Variants in EXT2 observed in about 807,000 individuals in gnomAD.
The protein encoded by EXT2 is exostosin-2.
EXT2 carries 53 observed loss-of-function variants against 81.6 expected under a neutral mutation model. The observed-to-expected ratio is 0.65, with a 90% CI of 0.52 to 0.82. The LOEUF is 0.82. Ranked by LOEUF, EXT2 falls within the 40% of genes least tolerant of loss-of-function variation. The probability of loss-of-function intolerance (pLI) is 0.00; values close to 1 mark genes in which losing one functional copy is unlikely to be tolerated. For missense variants in EXT2, 774 were observed against 910.2 expected (o/e 0.85, Z 1.93); for synonymous variants, 320 against 340.0 (o/e 0.94, Z 0.65).
chr11:44,229,678 T>C (rs1404265188), intron 10 of EXT2, among the ~76,000 whole-genome samples: 1 of 152,220 alleles, frequency 6.6e-6, no homozygotes, highest in Non-Finnish European at 1.5e-5. Context: ...AGGACTGTGG[T>C]CTTCACACAG....
At chr11:44,146,172 A>G (rs1954714637) in intron 7 of EXT2, among the ~76,000 whole-genome samples, 1 of 152,054 alleles carries the variant, frequency 6.6e-6, no homozygotes, top group Non-Finnish European at 1.5e-5. Flanking sequence ...GTGTGTCCAA[A>G]TTCCTCTTCT....
intron 10 of EXT2, among the ~76,000 whole-genome samples, chr11:44,231,188 G>A (rs895209594): frequency 2.6e-5 from 4 of 152,126 alleles, no homozygotes; most frequent in Non-Finnish European, 5.9e-5. Context: ...GATAGATCGT[G>A]GTGGTTTGGG....
At position 44,245,814 on chromosome 11, in the gene EXT2, C is replaced by T. The variant is rs1056365994; in HGVS notation, c.*1527C>T. On this transcript the variant is annotated 3_prime_UTR_variant, in exon 14 of 14. Coordinates refer to ENST00000533608, the MANE Select transcript of EXT2 (RefSeq NM_207122.2). ...GAAGTGGAAATCATAAGAGTTTTGTCTTCTTTCATTTGAATAAGTGATCGA... is the reference window on the plus strand; with the variant it reads ...GAAGTGGAAATCATAAGAGTTTTGTTTTCTTTCATTTGAATAAGTGATCGA... Among the ~76,000 whole-genome samples the T allele has an allele frequency of 3.3e-5, 5 of 152,204 alleles. No individual in the cohort carries two copies. The highest frequency in any genetic ancestry group is 5.9e-5 in the Non-Finnish European group (4 of 68,032).
chr11:44,228,935 G>A (rs1457124697), intron 10 of EXT2, among the ~76,000 whole-genome samples: 1 of 146,980 alleles, frequency 6.8e-6, no homozygotes, highest in Non-Finnish European at 1.5e-5. Context: ...TTAGCATGGA[G>A]GAGAGAGCTG....
chr11:44,158,778 A>G (rs1954890341), intron 7 of EXT2, among the ~76,000 whole-genome samples: 1 of 151,942 alleles, frequency 6.6e-6, no homozygotes, highest in Non-Finnish European at 1.5e-5. Context: ...AGGCAAGGCT[A>G]CTGACAAATT....
At chr11:44,204,641 A>G (rs1401332813) in intron 9 of EXT2, among the ~76,000 whole-genome samples, 1 of 152,186 alleles carries the variant, frequency 6.6e-6, no homozygotes, top group East Asian at 1.9e-4. Context: ...TCCGCCTCCT[A>G]TCAGATCAGT....
rs200718123 is a variant in EXT2 at position 44,244,291 on chromosome 11, G to A, written c.*4G>A. On this transcript the variant is annotated 3_prime_UTR_variant, in exon 14 of 14. Transcript: ENST00000533608. ...CCCCAACATTGGCAGCTTATGAAAC[G>A]TGTCATTGGTGGAGGTCTGAATGTG... The A allele has an allele frequency of 8.9e-5, 144 of 1,613,994 alleles. No individual in the cohort carries two copies. In the African/African-American group the frequency reaches 1.5e-3, roughly 16 times the overall value.
intron 3 of EXT2, among the ~76,000 whole-genome samples, chr11:44,110,083 T>A (rs971684197): frequency 2.6e-5 from 4 of 152,206 alleles, no homozygotes; most frequent in Non-Finnish European, 2.9e-5. Context: ...TAAACTTGTT[T>A]ATCACCAGTC....
chr11:44,199,121 A>C (rs1262551313), intron 9 of EXT2, among the ~76,000 whole-genome samples: 1 of 152,184 alleles, frequency 6.6e-6, no homozygotes, highest in Non-Finnish European at 1.5e-5. Context: ...TTAACTTTCT[A>C]TGCCAAGATT....
intron 12 of EXT2, 114 bp from the exon 13 acceptor site, chr11:44,236,179 A>T (rs775103287): frequency 4.7e-6 from 4 of 854,234 alleles, no homozygotes; most frequent in Non-Finnish European, 7.9e-6. Context: ...GTGTGTGTGC[A>T]CGCGCATGCA....
At chr11:44,108,272 GC>G in intron 2 of EXT2, 24 bp downstream of exon 2, 2 of 1,606,638 alleles carry the variant, frequency 1.2e-6, no homozygotes. Flanking sequence ...ATACAGCCCA[GC>G]CCCCAGGAGA....
chr11:44,141,639 A>G (rs965416353), intron 7 of EXT2, among the ~76,000 whole-genome samples: 6 of 152,374 alleles, frequency 3.9e-5, no homozygotes, highest in African/African-American at 1.4e-4. Flanking sequence ...TTCATTACAT[A>G]GCCTTTTGAA....
At chr11:44,103,449 G>A (rs1276376149) in intron 1 of EXT2, among the ~76,000 whole-genome samples, 7 of 152,312 alleles carry the variant, frequency 4.6e-5, no homozygotes, top group South Asian at 2.1e-4. Context: ...ACTAGTATAA[G>A]CCCTTTGAAA....
chr11:44,097,388 C>CT (rs1400968414), intron 1 of EXT2, among the ~76,000 whole-genome samples: 16 of 152,172 alleles, frequency 1.1e-4, no homozygotes, highest in African/African-American at 3.6e-4. Context: ...TGAATTGTGG[C>CT]TTTTTTTGCT....
At position 44,225,535 on chromosome 11, in the gene EXT2, G is replaced by A. The variant is rs947742328; in HGVS notation, c.1663-6818G>A. 2.0e-5 allele frequency among the ~76,000 whole-genome samples: 3 copies of A among 152,162 alleles called. No individual in the cohort carries two copies. The East Asian group carries it at 5.8e-4, about 29-fold the overall frequency. ...TATTCTGAATCTGGTCATTCAGCAG[G>A]CACCTGTGACCCTCTTCATATCTGC... On this transcript the variant is annotated intron_variant, in intron 10 of 13. Transcript: ENST00000533608.
intron 7 of EXT2, among the ~76,000 whole-genome samples, chr11:44,137,812 T>C (rs1433320563): frequency 6.6e-6 from 1 of 152,208 alleles, no homozygotes; most frequent in African/African-American, 2.4e-5. Flanking sequence ...TAAATAAATA[T>C]GGATTAAGGA....
At chr11:44,243,132 T>G (rs1270611668) in intron 13 of EXT2, among the ~76,000 whole-genome samples, 2 of 152,218 alleles carry the variant, frequency 1.3e-5, no homozygotes, top group Non-Finnish European at 2.9e-5. Context: ...CTTTTTGTAG[T>G]GCTCTCAGAT....
chr11:44,141,114 TG>T (rs1954639712), intron 7 of EXT2, among the ~76,000 whole-genome samples: 1 of 152,210 alleles, frequency 6.6e-6, no homozygotes, highest in Non-Finnish European at 1.5e-5. Flanking sequence ...AACTCAAGGA[TG>T]CTCAAGTCTC....
At chr11:44,164,911 C>CTCTG (rs1954972922) in intron 7 of EXT2, among the ~76,000 whole-genome samples, 1 of 147,512 alleles carries the variant, frequency 6.8e-6, no homozygotes, top group African/African-American at 2.5e-5. Context: ...CGGAGTCTCG[C>CTCTG]TCTGTCGCCC....
Sources: gnomAD v4.1 joint callset for allele counts (sites outside exome capture counted in the v4.1 genomes callset) on GRCh38, gnomAD v4.1.1 for gene constraint, MANE v1.5 for transcripts, NCBI Gene and HGNC (gene_info 2026-07-23, HGNC 2026-07-21) for gene names.